RORB: variants seen among roughly 807,000 people sequenced by gnomAD.
RORB encodes the protein nuclear receptor ROR-beta.
A neutral mutation model predicts 59.1 loss-of-function variants in RORB; 6 were observed. The observed-to-expected ratio is 0.10, with a 90% CI of 0.06 to 0.20. The LOEUF (loss-of-function observed/expected upper bound fraction) is 0.20. RORB is among the 10% of genes least tolerant of loss of function. The pLI is 1.00. For missense variants in RORB, 320 were observed against 560.5 expected, an observed-to-expected ratio of 0.57 and a Z score of 4.33; for synonymous variants, 215 against 204.5, an observed-to-expected ratio of 1.05 and a Z score of -0.44.
chr9:74,583,157 C>T (rs950153344), intron 1 of RORB, among the ~76,000 whole-genome samples: 1 of 152,178 alleles, frequency 6.6e-6, no homozygotes, highest in Non-Finnish European at 1.5e-5. Context: ...CAAGGACTGA[C>T]ACAAACCTAC....
chr9:74,625,892 G>A (rs999956987), intron 1 of RORB, among the ~76,000 whole-genome samples: 7 of 152,160 alleles, frequency 4.6e-5, no homozygotes, highest in Non-Finnish European at 7.3e-5. Context: ...CAACCAGAAC[G>A]TACGTGAAAA....
At chr9:74,638,135 G>T (rs1218620061) in intron 3 of RORB, among the ~76,000 whole-genome samples, 1 of 152,114 alleles carries the variant, frequency 6.6e-6, no homozygotes, top group African/African-American at 2.4e-5. Context: ...TAAATATAGA[G>T]AACTTTACAA....
chr9:74,544,921 G>A (rs186162818), intron 1 of RORB, among the ~76,000 whole-genome samples: 11 of 152,272 alleles, frequency 7.2e-5, no homozygotes, highest in Non-Finnish European at 1.5e-4. Flanking sequence ...GACTGGTCAG[G>A]CACAAATGGG....
intron 1 of RORB, among the ~76,000 whole-genome samples, chr9:74,553,926 G>A (rs1430913566): frequency 2.6e-5 from 4 of 152,118 alleles, no homozygotes; most frequent in Non-Finnish European, 5.9e-5. Flanking sequence ...AGATCTCTTG[G>A]AAATCATCTA....
intron 4 of RORB, among the ~76,000 whole-genome samples, chr9:74,648,590 C>T (rs138412151): frequency 6.6e-6 from 1 of 152,264 alleles, no homozygotes; most frequent in East Asian, 1.9e-4. Context: ...AGCACACTTC[C>T]CTCCTGGAGA....
intron 1 of RORB, among the ~76,000 whole-genome samples, chr9:74,550,641 A>G (rs1363333738): frequency 6.6e-6 from 1 of 152,216 alleles, no homozygotes; most frequent in Non-Finnish European, 1.5e-5. Context: ...AAAGGATGTC[A>G]CTTAAAACCA....
chr9:74,660,497 T>C, intron 4 of RORB, 120 bp from the exon 5 acceptor site: 1 of 796,460 alleles, frequency 1.3e-6, no homozygotes, highest in South Asian at 3.0e-5. Flanking sequence ...ATAGCAATGT[T>C]AAAGACACTT....
At position 74,665,412 on chromosome 9, in the gene RORB, T is replaced by C. The variant is rs1419277997; in HGVS notation, c.893-76T>C. 5.0e-6 allele frequency: 4 copies of C among 794,750 alleles called. No individual in the cohort carries two copies. In the East Asian group the frequency reaches 1.1e-4, roughly 22 times the overall value. 49.2% of individuals were successfully genotyped at this position (794,750 alleles called of 1,614,324 possible). On this transcript the variant is annotated intron_variant, in intron 6 of 9. Coordinates refer to ENST00000376896, the MANE Select transcript of RORB (RefSeq NM_006914.4). ...AGTTCTTGAAAGTCTCTTACCTATATGCAGTAATAATTTCTTTATTATTGG... is the reference window on the plus strand; with the variant it reads ...AGTTCTTGAAAGTCTCTTACCTATACGCAGTAATAATTTCTTTATTATTGG...
chr9:74,633,249 G>C (rs896457454), intron 2 of RORB, among the ~76,000 whole-genome samples: 2 of 152,092 alleles, frequency 1.3e-5, no homozygotes, highest in African/African-American at 4.8e-5. Context: ...AATTTTAGGC[G>C]ACCTTTAAAT....
chr9:74,655,296 C>T (rs1824061456), intron 4 of RORB, among the ~76,000 whole-genome samples: 2 of 152,128 alleles, frequency 1.3e-5, no homozygotes, highest in African/African-American at 4.8e-5. Flanking sequence ...GTGTGCATCA[C>T]CTTTGGAGGT....
intron 9 of RORB, among the ~76,000 whole-genome samples, chr9:74,675,245 C>T (rs559488026): frequency 6.6e-6 from 1 of 150,998 alleles, no homozygotes; most frequent in Non-Finnish European, 1.5e-5. Context: ...TGGCTGGATC[C>T]TGGATTTGAG....
intron 1 of RORB, among the ~76,000 whole-genome samples, chr9:74,621,383 C>T (rs1054679389): frequency 6.6e-6 from 1 of 152,154 alleles, no homozygotes; most frequent in Admixed American, 6.6e-5. Context: ...TCAGTAATAT[C>T]CATTTAAGTT....
At chr9:74,675,317 A>G (rs1451721611) in intron 9 of RORB, among the ~76,000 whole-genome samples, 2 of 149,990 alleles carry the variant, frequency 1.3e-5, no homozygotes, top group African/African-American at 4.9e-5. Flanking sequence ...AAAAATACAT[A>G]CATATATATA....
At chr9:74,537,424 C>G (rs1335259853) in intron 1 of RORB, among the ~76,000 whole-genome samples, 1 of 151,860 alleles carries the variant, frequency 6.6e-6, no homozygotes, top group Non-Finnish European at 1.5e-5. Context: ...CACAGCATCT[C>G]CTGAAACTTG....
chr9:74,550,524 G>C (rs1826591261), intron 1 of RORB, among the ~76,000 whole-genome samples: 1 of 152,218 alleles, frequency 6.6e-6, no homozygotes, highest in Non-Finnish European at 1.5e-5. Context: ...TCCAATGTTA[G>C]AGAAGTAGTT....
At chr9:74,531,968 G>A (rs994302885) in intron 1 of RORB, among the ~76,000 whole-genome samples, 18 of 151,964 alleles carry the variant, frequency 1.2e-4, no homozygotes, top group African/African-American at 3.4e-4. Context: ...TTAATGCTAC[G>A]TGATGTCTCA....
At chr9:74,547,954 C>G (rs1020954229) in intron 1 of RORB, among the ~76,000 whole-genome samples, 3 of 152,128 alleles carry the variant, frequency 2.0e-5, no homozygotes, top group Non-Finnish European at 2.9e-5. Context: ...TGTAATAATC[C>G]AGGCTAGAAA....
intron 1 of RORB, among the ~76,000 whole-genome samples, chr9:74,576,436 C>A (rs1822635940): frequency 6.8e-6 from 1 of 146,158 alleles, no homozygotes; most frequent in Non-Finnish European, 1.5e-5. Context: ...CAGTGGCAGA[C>A]CACAGCATTA....
intron 4 of RORB, among the ~76,000 whole-genome samples, chr9:74,648,649 A>T (rs946733121): frequency 6.6e-6 from 1 of 152,186 alleles, no homozygotes; most frequent in African/African-American, 2.4e-5. Flanking sequence ...CCAGCCAAAC[A>T]TGCAGTTAAC....
Sources: allele counts gnomAD v4.1 joint callset (sites outside exome capture counted in the v4.1 genomes callset), GRCh38; gene constraint gnomAD v4.1.1; transcripts MANE v1.5; gene names NCBI Gene and HGNC (gene_info 2026-07-23, HGNC 2026-07-21).